Variants in LYAR observed in about 807,000 individuals in gnomAD.
LYAR encodes cell growth-regulating nucleolar protein.
LYAR carries 37 observed loss-of-function variants against 45.2 expected under a neutral mutation model. That is an observed-to-expected ratio of 0.82 (90% confidence interval 0.63 to 1.08). LYAR has a LOEUF of 1.08. Among genes scored for constraint, LYAR ranks in the 50% least tolerant of loss-of-function variants. The pLI, the probability that LYAR is intolerant of heterozygous loss-of-function variation, is 0.00. For synonymous variants in LYAR, 176 were observed against 155.1 expected (o/e 1.14, Z -1.00); for missense variants, 493 against 451.0 (o/e 1.09, Z -0.84).
At chr4:4,285,484 A>AAC (rs1719570157) in intron 2 of LYAR, among the ~76,000 whole-genome samples, 1 of 152,216 alleles carries the variant, frequency 6.6e-6, no homozygotes. Context: ...GACAAGGGAG[A>AAC]ACAAAGGCTG....
Position 4,279,486 on chromosome 4 carries a change from C to T in LYAR, c.390G>A (p.Leu130=). The change falls in exon 6 of 10, where the codon CTG becomes CTA. Residue 130 remains leucine (L), a synonymous_variant. Coordinates refer to ENST00000343470, the MANE Select transcript of LYAR (RefSeq NM_017816.3). ...NSLKVHNESI[L]DQVWNIFSEA... The stretch of plus-strand genomic sequence containing the variant: ...CAGAAAAGATATTCCACACCTGGTC[C>T]AGAATGGATTCATTATGAACTTTTA... 6.2e-7 allele frequency: 1 copy of T among 1,613,236 alleles called. No individual in the cohort carries two copies. The highest frequency in any genetic ancestry group is 2.2e-5 in the East Asian group (1 of 44,870).
Position 4,282,227 on chromosome 4 carries a change from GT to G in LYAR, c.123-331del, listed in dbSNP as rs900252781. Among the ~76,000 whole-genome samples the G allele has an allele frequency of 3.3e-5, 5 of 152,208 alleles. No homozygotes were observed. In the East Asian group the frequency reaches 5.8e-4, roughly 18 times the overall value. On this transcript the variant is annotated intron_variant, in intron 3 of 9. Transcript: ENST00000343470. ...GAAAATAGTTCTATGCAATAGGGTA[GT>G]TTTTTTAAATTATAAAAATCTCAAT...
intron 1 of LYAR, 105 bp from the exon 2 acceptor site, chr4:4,286,677 C>T (rs1343247090): frequency 1.7e-5 from 2 of 121,114 alleles, no homozygotes; most frequent in African/African-American, 3.3e-5. Flanking sequence ...AAAGGAGTCT[C>T]GCTTTGTCGC....
chr4:4,289,539 G>A (rs1431956191), intron 1 of LYAR: 1 of 152,178 alleles, frequency 6.6e-6, no homozygotes, highest in Non-Finnish European at 1.5e-5. Flanking sequence ...ACAGTTCTCC[G>A]AGTTAGATTC....
At chr4:4,277,466 G>A (rs183651761) in intron 6 of LYAR, among the ~76,000 whole-genome samples, 56 of 152,304 alleles carry the variant, frequency 3.7e-4, no homozygotes, top group Non-Finnish European at 7.8e-4. Flanking sequence ...GCCACAGGGA[G>A]AGAGGGAGGG....
chr4:4,271,163 C>CA (rs1361420913), intron 8 of LYAR, among the ~76,000 whole-genome samples: 1 of 152,132 alleles, frequency 6.6e-6, no homozygotes, highest in African/African-American at 2.4e-5. Context: ...CACAGCCTCC[C>CA]ACCACCCTTT....
intron 1 of LYAR, chr4:4,289,806 A>T (rs1269146870): frequency 6.6e-6 from 1 of 152,268 alleles, no homozygotes; most frequent in Non-Finnish European, 1.5e-5. Flanking sequence ...TGGTTTGGCC[A>T]GGCCCGAGGG....
At chr4:4,286,820 G>A (rs1021013876) in intron 1 of LYAR, among the ~76,000 whole-genome samples, 2 of 151,868 alleles carry the variant, frequency 1.3e-5, no homozygotes, top group Non-Finnish European at 2.9e-5. Context: ...CTTATTTTTT[G>A]TATTTTTTAG....
At chr4:4,275,856 T>G (rs868128855) in intron 6 of LYAR, among the ~76,000 whole-genome samples, 3 of 152,116 alleles carry the variant, frequency 2.0e-5, no homozygotes, top group African/African-American at 4.8e-5. Flanking sequence ...CCACCACACC[T>G]GGCTAATTTT....
chr4:4,281,910 C>G lies in LYAR; in HGVS notation c.123-13G>C. ...ATAGTCATCGCCCCTTTAAAGTGAT[C>G]AAAAGTTCTGCCATTAGACTGATAC... is the stretch of plus-strand genomic sequence containing the variant. On this transcript the variant is annotated splice_polypyrimidine_tract_variant and intron_variant, in intron 3 of 9. Coordinates refer to ENST00000343470, the MANE Select transcript of LYAR (RefSeq NM_017816.3). 6 of 1,589,062 alleles carry G rather than the reference C, an allele frequency of 3.8e-6. No homozygotes were observed. The highest frequency in any genetic ancestry group is 5.2e-6 in the Non-Finnish European group (6 of 1,157,748).
chr4:4,283,519 C>T, intron 3 of LYAR, 102 bp downstream of exon 3: 2 of 1,243,246 alleles, frequency 1.6e-6, no homozygotes, highest in Non-Finnish European at 2.2e-6. Context: ...GTCTTAATTT[C>T]ATTCTTCAAA....
chr4:4,280,258 A>T (rs1452435397), intron 4 of LYAR, among the ~76,000 whole-genome samples: 1 of 152,240 alleles, frequency 6.6e-6, no homozygotes, highest in African/African-American at 2.4e-5. Context: ...CTGCTGAAAG[A>T]AATTAAAGTA....
chr4:4,275,294 A>T (rs1362963713), intron 6 of LYAR, among the ~76,000 whole-genome samples: 2 of 152,226 alleles, frequency 1.3e-5, no homozygotes. Context: ...TCATGTGCTT[A>T]TTAGCATAAC....
intron 8 of LYAR, among the ~76,000 whole-genome samples, chr4:4,269,541 T>C (rs1718853199): frequency 6.6e-6 from 1 of 152,176 alleles, no homozygotes; most frequent in Admixed American, 6.5e-5. Flanking sequence ...CAGTGGAACC[T>C]GCACCAGGAG....
At chr4:4,283,899 A>G in intron 2 of LYAR, 104 bp from the exon 3 acceptor site, 1 of 571,634 alleles carries the variant, frequency 1.7e-6, no homozygotes, top group Non-Finnish European at 3.0e-6. Context: ...AAAATAACAG[A>G]GTCAAAGTTG....
chr4:4,287,733 G>A (rs1458740620), intron 1 of LYAR, among the ~76,000 whole-genome samples: 2 of 152,114 alleles, frequency 1.3e-5, no homozygotes, highest in African/African-American at 2.4e-5. Flanking sequence ...TGTCCTAGCC[G>A]TTTGCTTGGT....
intron 6 of LYAR, among the ~76,000 whole-genome samples, chr4:4,276,429 G>T (rs1292822731): frequency 6.6e-6 from 1 of 152,080 alleles, no homozygotes; most frequent in Non-Finnish European, 1.5e-5. Context: ...TTAGAAAATG[G>T]ATACTGGGGA....
chr4:4,279,705 C>G lies in LYAR; in HGVS notation c.282G>C (p.Val94=), dbSNP rs775070176. ...LIKRPNVSPK[V]RELLEQISAF... The stretch of plus-strand genomic sequence containing the variant: ...CACTAATTTGCTCTAAAAGTTCTCT[C>G]ACTTTGGGGCTGACATTGGGTCTCT... The change falls in exon 5 of 10, where the codon GTG becomes GTC. Residue 94 remains valine (V), a synonymous_variant. Transcript: ENST00000343470. The G allele has an allele frequency of 6.2e-7, 1 of 1,613,914 alleles. No homozygotes were observed. The highest frequency in any genetic ancestry group is 8.5e-7 in the Non-Finnish European group (1 of 1,179,920).
Position 4,267,867 on chromosome 4 carries a change from C to A in LYAR, c.*22G>T. Reference sequence around the variant, plus strand: ...AAGGAAGAAGTCAGCAGAATGGATTCAATTTTTAAATACACAAATGTTCAT... The same window carrying A: ...AAGGAAGAAGTCAGCAGAATGGATTAAATTTTTAAATACACAAATGTTCAT... On this transcript the variant is annotated 3_prime_UTR_variant, in exon 10 of 10. Transcript: ENST00000343470. 6.3e-7 allele frequency: 1 copy of A among 1,592,534 alleles called. No individual in the cohort carries two copies. The highest frequency in any genetic ancestry group is 1.1e-5 in the South Asian group (1 of 87,788).
Sources: allele counts gnomAD v4.1 joint callset (sites outside exome capture counted in the v4.1 genomes callset), GRCh38; gene constraint gnomAD v4.1.1; transcripts MANE v1.5; gene names NCBI Gene and HGNC (gene_info 2026-07-23, HGNC 2026-07-21).